Variants in TTLL9 observed in about 807,000 individuals in gnomAD.
The protein encoded by TTLL9 is tubulin tyrosine ligase like 9.
Under a neutral mutation model 65.6 loss-of-function variants are expected in TTLL9, and 47 were observed. The ratio of observed to expected loss-of-function variants is 0.72; its 90% CI spans 0.57 to 0.91. The LOEUF (loss-of-function observed/expected upper bound fraction) is 0.91. Ranked by LOEUF, TTLL9 falls within the 40% of genes least tolerant of loss-of-function variation. TTLL9 has a pLI of 0.00. For synonymous variants in TTLL9, 179 were observed against 204.8 expected (o/e 0.87, Z 1.07); for missense variants, 537 against 568.8 (o/e 0.94, Z 0.57).
intron 4 of TTLL9, among the ~76,000 whole-genome samples, chr20:31,906,488 G>T (rs554080109): frequency 5.1e-4 from 77 of 152,312 alleles, no homozygotes; most frequent in African/African-American, 1.7e-3. Context: ...CTCCCCATTG[G>T]TCTTGTTCAG....
intron 4 of TTLL9, among the ~76,000 whole-genome samples, chr20:31,905,988 G>A (rs539214372): frequency 2.7e-5 from 4 of 146,998 alleles, no homozygotes; most frequent in Non-Finnish European, 5.9e-5. Flanking sequence ...AGTCGAGATC[G>A]TGCCATTGCA....
At position 31,933,853 on chromosome 20, in the gene TTLL9, A is replaced by T; in HGVS notation, c.802A>T (p.Lys268Ter). Residue 268 changes from lysine to a stop codon, truncating the protein, a stop_gained, in exon 11 of 15, where the codon AAG (lysine) becomes TAG (stop). Transcript: ENST00000535842. LOFTEE classifies it high-confidence loss of function. Reference protein sequence around the residue: ...VQKTSPDYHPKKGCKWTLQRF... With the variant: ...VQKTSPDYHP ...AAAAACATCTCCCGACTACCACCCAAAGAAGGTGAGGAAGCCGGGCTCGGC... is the reference window on the plus strand; with the variant it reads ...AAAAACATCTCCCGACTACCACCCATAGAAGGTGAGGAAGCCGGGCTCGGC... 1 of 1,613,928 alleles carries T rather than the reference A, an allele frequency of 6.2e-7. No individual in the cohort carries two copies. Among genetic ancestry groups the T allele is most frequent in the Admixed American group, 1.7e-5 (1 of 60,026 alleles).
chr20:31,922,368 G>C (rs939599942), intron 7 of TTLL9, among the ~76,000 whole-genome samples: 8 of 151,888 alleles, frequency 5.3e-5, no homozygotes, highest in African/African-American at 1.9e-4. Flanking sequence ...ACATTGTTGT[G>C]CAACCACCAC....
intron 4 of TTLL9, among the ~76,000 whole-genome samples, chr20:31,899,118 T>A (rs1445906375): frequency 3.3e-5 from 5 of 152,342 alleles, no homozygotes; most frequent in Middle Eastern, 3.4e-3. Flanking sequence ...AAACCCAAAG[T>A]AAAAGAGGCT....
chr20:31,936,912 A>G (rs954456800), intron 12 of TTLL9, among the ~76,000 whole-genome samples: 2 of 151,500 alleles, frequency 1.3e-5, no homozygotes, highest in African/African-American at 4.9e-5. Context: ...CTCGACCAAC[A>G]TGGTGAAACC....
At position 31,939,167 on chromosome 20, in the gene TTLL9, G is replaced by A. The variant is rs767704747; in HGVS notation, c.1144G>A (p.Gly382Arg). The change falls in exon 14 of 15, where the codon GGG (glycine) becomes AGG (arginine). Residue 382 changes from glycine (G) to arginine (R), a missense_variant. Physicochemically the swap from Gly to Arg is moderately radical, Grantham distance 125. Coordinates refer to ENST00000535842, the MANE Select transcript of TTLL9 (RefSeq NM_001008409.5). ...ARLTGREKRV[G>R]GFDLMWNDGP... ...GCTCACGGGAAGGGAGAAGCGAGTC[G>A]GGGGCTTTGACCTCATGTGGAATGA... The A allele has an allele frequency of 7.5e-6, 12 of 1,603,506 alleles. No homozygotes were observed. Among genetic ancestry groups the A allele is most frequent in the Middle Eastern group, 1.7e-4 (1 of 6,002 alleles).
chr20:31,900,237 A>G (rs1423612013), intron 4 of TTLL9, among the ~76,000 whole-genome samples: 1 of 152,206 alleles, frequency 6.6e-6, no homozygotes, highest in Non-Finnish European at 1.5e-5. Flanking sequence ...TGGACACTCT[A>G]ACATTTCGCA....
At chr20:31,907,577 C>G (rs187981301) in intron 4 of TTLL9, among the ~76,000 whole-genome samples, 4 of 152,122 alleles carry the variant, frequency 2.6e-5, no homozygotes, top group African/African-American at 9.6e-5. Context: ...AAAAATTAGC[C>G]AGTTGCGGTG....
chr20:31,922,853 G>C, intron 7 of TTLL9, 110 bp from the exon 8 acceptor site: 1 of 802,184 alleles, frequency 1.2e-6, no homozygotes, highest in South Asian at 1.5e-5. Context: ...TACCTGACAG[G>C]GTTGATTTAA....
At chr20:31,909,615 A>T in intron 5 of TTLL9, 122 bp from the exon 6 acceptor site, 1 of 800,834 alleles carries the variant, frequency 1.2e-6, no homozygotes, top group Non-Finnish European at 2.0e-6. Flanking sequence ...AGTTACTCTT[A>T]CTGTTGCTAT....
At chr20:31,935,995 T>C (rs1243832930) in intron 12 of TTLL9, among the ~76,000 whole-genome samples, 3 of 152,222 alleles carry the variant, frequency 2.0e-5, no homozygotes, top group Non-Finnish European at 2.9e-5. Flanking sequence ...TCTCTGAGCC[T>C]GTTTCCTCAT....
chr20:31,876,878 C>T (rs1337434538), intron 2 of TTLL9, among the ~76,000 whole-genome samples: 1 of 152,100 alleles, frequency 6.6e-6, no homozygotes, highest in Admixed American at 6.5e-5. Flanking sequence ...TATTTACATT[C>T]CTCACTAACA....
At chr20:31,871,957 G>A (rs574540743) in intron 2 of TTLL9, among the ~76,000 whole-genome samples, 40 of 151,070 alleles carry the variant, frequency 2.6e-4, no homozygotes, top group African/African-American at 9.7e-4. Context: ...AACTATAAAT[G>A]AGATATTTTA....
At chr20:31,895,141 C>G (rs2063364391) in intron 3 of TTLL9, among the ~76,000 whole-genome samples, 1 of 152,146 alleles carries the variant, frequency 6.6e-6, no homozygotes, top group South Asian at 2.1e-4. Flanking sequence ...GGGCAGCCCC[C>G]AGCATGTCTG....
intron 13 of TTLL9, chr20:31,938,137 C>T (rs375872094): frequency 3.6e-5 from 16 of 447,378 alleles, no homozygotes; most frequent in East Asian, 2.2e-4. Flanking sequence ...TCCCTCCCTC[C>T]CTTCTCTTTC....
chr20:31,922,978 G>A lies in TTLL9; in HGVS notation c.589G>A (p.Asp197Asn), dbSNP rs756652435. The A allele has an allele frequency of 6.2e-7, 1 of 1,613,818 alleles. No homozygotes were observed. The highest frequency in any genetic ancestry group is 8.5e-7 in the Non-Finnish European group (1 of 1,179,734). ...VDWRKDTRSSDDQKDDIPVEN... is the reference protein window; with the variant it reads ...VDWRKDTRSSNDQKDDIPVEN... The stretch of plus-strand genomic sequence containing the variant: ...TTACAACTAGGACACAAGAAGCTCT[G>A]ACGACCAGAAAGATGATATTCCCGT... The change falls in exon 8 of 15, where the codon GAC becomes AAC. Residue 197 changes from aspartate to asparagine, a missense_variant. This residue lies in a region of TTLL9 where 320 missense variants were observed against 311.0 expected (regional missense o/e 1.03). Coordinates refer to ENST00000535842, the MANE Select transcript of TTLL9 (RefSeq NM_001008409.5).
At chr20:31,938,131 T>TC in intron 13 of TTLL9, 1 of 403,208 alleles carries the variant, frequency 2.5e-6, no homozygotes, top group Non-Finnish European at 4.8e-6. Flanking sequence ...TCCCTCTCCC[T>TC]CCCTCCCTTC....
At chr20:31,880,588 G>A (rs1341606368) in intron 2 of TTLL9, among the ~76,000 whole-genome samples, 3 of 151,864 alleles carry the variant, frequency 2.0e-5, no homozygotes, top group Non-Finnish European at 4.4e-5. Flanking sequence ...TGCCTCCCGG[G>A]TTCAAGCGAT....
intron 2 of TTLL9, among the ~76,000 whole-genome samples, chr20:31,872,612 G>A (rs149320273): frequency 1.1e-3 from 172 of 152,268 alleles, no homozygotes; most frequent in African/African-American, 3.8e-3. Context: ...GATCACTTGA[G>A]CCCAGGCGGT....
Sources: gnomAD v4.1 joint callset for allele counts (sites outside exome capture counted in the v4.1 genomes callset) on GRCh38, gnomAD v4.1.1 for gene constraint, gnomAD v4.1.1 regional missense constraint, MANE v1.5 for transcripts, NCBI Gene and HGNC (gene_info 2026-07-23, HGNC 2026-07-21) for gene names.